NALF1: variants seen among roughly 807,000 people sequenced by gnomAD.
NALF1 encodes the protein family with sequence similarity 155 member A.
Under a neutral mutation model 48.4 loss-of-function variants are expected in NALF1, and 3 were observed. That is an observed-to-expected ratio of 0.06 (90% confidence interval 0.03 to 0.16). The LOEUF (loss-of-function observed/expected upper bound fraction) is 0.16, where lower values mean the gene tolerates loss of function less well. Ranked by LOEUF, NALF1 falls within the 10% of genes least tolerant of loss-of-function variation. The pLI, the probability that NALF1 is intolerant of heterozygous loss-of-function variation, is 1.00. For missense variants in NALF1, 526 were observed against 571.5 expected (o/e 0.92, Z 0.81); for synonymous variants, 262 against 245.7 (o/e 1.07, Z -0.62).
intron 1 of NALF1, among the ~76,000 whole-genome samples, chr13:107,758,800 A>G (rs1877188724): frequency 6.6e-6 from 1 of 152,244 alleles, no homozygotes; most frequent in Non-Finnish European, 1.5e-5. Flanking sequence ...CAAGTTTGAA[A>G]TAAGTTCTTA....
rs973779615 is a variant in NALF1 at position 107,678,390 on chromosome 13, G to A, written c.915+187292C>T. On this transcript the variant is annotated intron_variant, in intron 1 of 2. Transcript: ENST00000375915. ...CTACTCATCTATATAAATGTTTACA[G>A]GGCTTCTGTTTTTGCAAAATGCCAT... Among the ~76,000 whole-genome samples the A allele has an allele frequency of 1.4e-4, 21 of 152,120 alleles. 1 individual carries two copies. Among genetic ancestry groups the A allele is most frequent in the Non-Finnish European group, 1.5e-5 (1 of 68,024 alleles).
intron 1 of NALF1, among the ~76,000 whole-genome samples, chr13:107,668,484 A>C (rs1880913591): frequency 6.6e-6 from 1 of 152,000 alleles, no homozygotes; most frequent in African/African-American, 2.4e-5. Context: ...CCCACTACTG[A>C]GAAACATTTT....
intron 1 of NALF1, among the ~76,000 whole-genome samples, chr13:107,365,097 A>G (rs1281106988): frequency 7.1e-6 from 1 of 141,458 alleles, no homozygotes; most frequent in Non-Finnish European, 1.5e-5. Flanking sequence ...TTCCTCCTCT[A>G]CCTCCTTCTC....
chr13:107,831,354 C>A (rs528293643), intron 1 of NALF1, among the ~76,000 whole-genome samples: 5 of 151,852 alleles, frequency 3.3e-5, no homozygotes, highest in African/African-American at 1.2e-4. Context: ...AAGTAAGCCT[C>A]GGCACTTAAT....
intron 1 of NALF1, among the ~76,000 whole-genome samples, chr13:107,615,036 C>T (rs777121775): frequency 4.6e-5 from 7 of 152,096 alleles, no homozygotes; most frequent in Non-Finnish European, 1.0e-4. Flanking sequence ...CTCAGCCTCC[C>T]AAAGTGCTGG....
chr13:107,565,853 T>A (rs1877795479), intron 1 of NALF1, among the ~76,000 whole-genome samples: 1 of 152,202 alleles, frequency 6.6e-6, no homozygotes, highest in Non-Finnish European at 1.5e-5. Context: ...TCCTATGAAA[T>A]TTAAAATGAT....
At chr13:107,744,784 G>C (rs949674180) in intron 1 of NALF1, among the ~76,000 whole-genome samples, 31 of 152,030 alleles carry the variant, frequency 2.0e-4, no homozygotes, top group African/African-American at 7.5e-4. Context: ...AGGTTTTTTT[G>C]GCATGGTATA....
At chr13:107,267,827 G>A (rs918127414) in intron 1 of NALF1, among the ~76,000 whole-genome samples, 1 of 152,044 alleles carries the variant, frequency 6.6e-6, no homozygotes, top group Non-Finnish European at 1.5e-5. Context: ...TGATAACCGC[G>A]ATGGCTACTA....
chr13:107,251,419 G>A (rs1490329640), intron 1 of NALF1, among the ~76,000 whole-genome samples: 1 of 152,142 alleles, frequency 6.6e-6, no homozygotes, highest in Non-Finnish European at 1.5e-5. Flanking sequence ...TAAAAGACAC[G>A]AATTTGGTAA....
chr13:107,800,761 G>C (rs933792124), intron 1 of NALF1, among the ~76,000 whole-genome samples: 6 of 147,584 alleles, frequency 4.1e-5, no homozygotes, highest in Non-Finnish European at 8.9e-5. Context: ...ATATAATACA[G>C]TGTATAATAT....
intron 1 of NALF1, among the ~76,000 whole-genome samples, chr13:107,612,521 C>T (rs745309571): frequency 3.9e-5 from 6 of 152,098 alleles, no homozygotes; most frequent in Middle Eastern, 3.4e-3. Flanking sequence ...GCACTGGTAT[C>T]GGGAGAATGA....
chr13:107,468,928 T>C (rs1242386577), intron 1 of NALF1, among the ~76,000 whole-genome samples: 1 of 152,176 alleles, frequency 6.6e-6, no homozygotes, highest in East Asian at 1.9e-4. Context: ...TTTATGATTA[T>C]CTAATAAAGA....
intron 1 of NALF1, among the ~76,000 whole-genome samples, chr13:107,395,183 T>C (rs1256660231): frequency 1.3e-5 from 2 of 152,204 alleles, no homozygotes; most frequent in Admixed American, 6.5e-5. Flanking sequence ...ATTCTTTTCA[T>C]GACTGCAGTC....
In NALF1 at chr13:107,304,348, A is replaced by G. The variant is rs34901526; in HGVS notation, c.916-93593T>C. 1.0e-2 allele frequency among the ~76,000 whole-genome samples: 1,522 copies of G among 152,354 alleles called. 12 individuals carry two copies. The highest frequency in any genetic ancestry group is 0.017 in the Non-Finnish European group (1,125 of 68,028). The stretch of plus-strand genomic sequence containing the variant: ...TGAATTTAGCAGTCATCAACAAATA[A>G]ACGAGAGATGGAATTGTAAAAGGAG... On this transcript the variant is annotated intron_variant, in intron 1 of 2. Coordinates refer to ENST00000375915, the MANE Select transcript of NALF1 (RefSeq NM_001080396.3).
At chr13:107,849,235 G>T (rs916761060) in intron 1 of NALF1, among the ~76,000 whole-genome samples, 3 of 152,188 alleles carry the variant, frequency 2.0e-5, no homozygotes, top group Admixed American at 6.5e-5. Context: ...TTTGCTGTGA[G>T]TGATTTGAAT....
intron 1 of NALF1, among the ~76,000 whole-genome samples, chr13:107,703,120 C>T (rs1162951037): frequency 6.6e-6 from 1 of 152,094 alleles, no homozygotes; most frequent in South Asian, 2.1e-4. Context: ...TACTAGTTTT[C>T]TATTATGGTG....
intron 1 of NALF1, among the ~76,000 whole-genome samples, chr13:107,313,429 AAAAC>A (rs1882083858): frequency 6.6e-6 from 1 of 152,144 alleles, no homozygotes; most frequent in Admixed American, 6.6e-5. Flanking sequence ...ACAAAGATTA[AAAAC>A]AAACAAACAA....
At chr13:107,253,800 C>T (rs553674535) in intron 1 of NALF1, among the ~76,000 whole-genome samples, 3 of 152,126 alleles carry the variant, frequency 2.0e-5, no homozygotes, top group African/African-American at 7.2e-5. Context: ...GTTCCTCTCC[C>T]GGATCTTCAC....
intron 1 of NALF1, among the ~76,000 whole-genome samples, chr13:107,827,527 G>T (rs1226742262): frequency 2.0e-5 from 3 of 152,132 alleles, no homozygotes; most frequent in Non-Finnish European, 4.4e-5. Flanking sequence ...CCCAACATGG[G>T]TCTGGCCATC....
Sources: allele counts gnomAD v4.1 joint callset (sites outside exome capture counted in the v4.1 genomes callset), GRCh38; gene constraint gnomAD v4.1.1; transcripts MANE v1.5; gene names NCBI Gene and HGNC (gene_info 2026-07-23, HGNC 2026-07-21).